CTRC: variants seen among roughly 807,000 people sequenced by gnomAD.
CTRC encodes chymotrypsin-C.
CTRC carries 32 observed loss-of-function variants against 35.7 expected under a neutral mutation model. The ratio of observed to expected loss-of-function variants is 0.90; its 90% CI spans 0.68 to 1.20. CTRC has a LOEUF of 1.20. Among genes scored for constraint, CTRC ranks in the 50% most tolerant of loss-of-function variants. CTRC has a pLI of 0.00. For synonymous variants in CTRC, 119 were observed against 149.5 expected (o/e 0.80, Z 1.49); for missense variants, 324 against 361.5 (o/e 0.90, Z 0.84).
chr1:15,446,002 G>T (rs1367253988), intron 7 of CTRC, among the ~76,000 whole-genome samples: 1 of 102,024 alleles, frequency 9.8e-6, no homozygotes, highest in African/African-American at 5.3e-5. Flanking sequence ...ACTCATTCAT[G>T]TATTCATTCA....
chr1:15,442,982 G>T (rs566169749), intron 4 of CTRC, among the ~76,000 whole-genome samples: 249 of 152,310 alleles, frequency 1.6e-3, no homozygotes, highest in African/African-American at 5.7e-3. Context: ...AGCCCACTTC[G>T]TGGCAGAACT....
chr1:15,442,430 C>T lies in CTRC; in HGVS notation c.231-17C>T, dbSNP rs767791068. On this transcript the variant is annotated splice_polypyrimidine_tract_variant and intron_variant, in intron 3 of 7. Coordinates refer to ENST00000375949, the MANE Select transcript of CTRC (RefSeq NM_007272.3). The stretch of plus-strand genomic sequence containing the variant: ...GACCAGGGGGCCACCCTGACCTGGA[C>T]CCCTTCCTCTGCCCAGCAACACCCG... 5.6e-6 allele frequency: 9 copies of T among 1,603,600 alleles called. No individual in the cohort carries two copies. Among genetic ancestry groups the T allele is most frequent in the Non-Finnish European group, 6.8e-6 (8 of 1,174,846 alleles).
chr1:15,438,617 G>A, intron 1 of CTRC, 113 bp downstream of exon 1: 1 of 1,216,760 alleles, frequency 8.2e-7, no homozygotes, highest in Admixed American at 1.7e-5. Flanking sequence ...GACACTTTGG[G>A]GTCCCCTGTG....
rs147843370 is a variant in CTRC at position 15,443,149 on chromosome 1, C to T, written c.357-270C>T. On this transcript the variant is annotated intron_variant, in intron 4 of 7. Transcript: ENST00000375949. ...ACCCACAGCCAGCAGTGGTTTCGGA[C>T]ACTTCCACTCTCACCTCCCTCTGTT... Among the ~76,000 whole-genome samples the T allele has an allele frequency of 6.5e-3, 993 of 152,338 alleles. 14 individuals carry two copies. Among genetic ancestry groups the T allele is most frequent in the African/African-American group, 0.022 (904 of 41,574 alleles).
chr1:15,445,399 G>T (rs1262743375), intron 6 of CTRC, among the ~76,000 whole-genome samples, 198 bp from the exon 7 acceptor site: 1 of 152,138 alleles, frequency 6.6e-6, no homozygotes, highest in Non-Finnish European at 1.5e-5. Context: ...TGACACCCCA[G>T]GGCCTCCCAG....
chr1:15,446,354 TG>T (rs1422843984), intron 7 of CTRC, among the ~76,000 whole-genome samples: 1 of 152,252 alleles, frequency 6.6e-6, no homozygotes, highest in Non-Finnish European at 1.5e-5. Context: ...CACCCTGGGC[TG>T]GGGGCTTCCC....
rs1168348957 is a variant in CTRC at position 15,448,760 on chromosome 1, G to T, written c.*2171G>T. 2 of 152,046 alleles carry T rather than the reference G, an allele frequency of 1.3e-5. No homozygotes were observed. Among genetic ancestry groups the T allele is most frequent in the Non-Finnish European group, 2.9e-5 (2 of 68,012 alleles). The allele number at this position is 152,046 out of a possible 1,614,324, so 9.4% of individuals were successfully genotyped here. A position where few individuals can be genotyped will look rare whatever the true frequency, so the allele number is the denominator to read the frequency against. On this transcript the variant is annotated 3_prime_UTR_variant, in exon 8 of 8. Coordinates refer to ENST00000375949, the MANE Select transcript of CTRC (RefSeq NM_007272.3). ...CCCGCCTTGGCCTCCCAAAGTACTG[G>T]GATCACAGGTGTGAGCCACCACACC...
intron 5 of CTRC, among the ~76,000 whole-genome samples, chr1:15,444,105 A>T (rs1020628183): frequency 5.3e-5 from 8 of 152,166 alleles, no homozygotes; most frequent in Middle Eastern, 6.8e-3. Flanking sequence ...AAAAATTTTT[A>T]AATAGCAGTG....
chr1:15,446,027 T>TACTCATTCATCCATTTATTC (rs1200487631), intron 7 of CTRC, among the ~76,000 whole-genome samples: 11 of 152,380 alleles, frequency 7.2e-5, no homozygotes. Context: ...TGCATTTATT[T>TACTCATTCATCCATTTATTC]ACTCATTCAT....
intron 4 of CTRC, among the ~76,000 whole-genome samples, chr1:15,442,857 T>TATTGCAATA (rs1708157069): frequency 1.3e-5 from 2 of 152,134 alleles, no homozygotes; most frequent in Admixed American, 1.3e-4. Context: ...GAGTTCCTAC[T>TATTGCAATA]GTATGCCCAC....
At chr1:15,440,226 G>A in intron 1 of CTRC, 74 bp from the exon 2 acceptor site, 12 of 523,578 alleles carry the variant, frequency 2.3e-5, no homozygotes, top group South Asian at 8.1e-5. Context: ...TCTTCCACCT[G>A]CCCACCCTCC....
intron 7 of CTRC, among the ~76,000 whole-genome samples, chr1:15,446,014 T>TCATTCATG (rs1708216125): frequency 6.6e-6 from 1 of 152,166 alleles, no homozygotes; most frequent in Non-Finnish European, 1.5e-5. Flanking sequence ...ATTCATTCAT[T>TCATTCATG]CATGCATTTA....
intron 3 of CTRC, among the ~76,000 whole-genome samples, chr1:15,440,821 G>T (rs983098578): frequency 2.0e-5 from 3 of 152,188 alleles, no homozygotes; most frequent in African/African-American, 7.2e-5. Flanking sequence ...ATATTTTTGT[G>T]GAAGACAGAG....
intron 1 of CTRC, 72 bp from the exon 2 acceptor site, chr1:15,440,228 C>CT: frequency 2.3e-6 from 1 of 426,506 alleles, no homozygotes; most frequent in Non-Finnish European, 4.8e-6. Flanking sequence ...TTCCACCTGC[C>CT]CACCCTCCCA....
At chr1:15,441,708 G>C (rs1016894678) in intron 3 of CTRC, among the ~76,000 whole-genome samples, 1 of 123,224 alleles carries the variant, frequency 8.1e-6, no homozygotes, top group African/African-American at 3.1e-5. Context: ...TTTTTTTTTT[G>C]GTAGAGACAG....
chr1:15,441,939 G>C (rs1708139044), intron 3 of CTRC, among the ~76,000 whole-genome samples: 1 of 151,970 alleles, frequency 6.6e-6, no homozygotes, highest in Non-Finnish European at 1.5e-5. Context: ...ATGGGGATTT[G>C]CCATGTGGCT....
rs751854409 is a variant in CTRC, at chr1:15,440,314, G to A, written c.55G>A (p.Val19Met). The part of the protein sequence containing the change: ...ALLACASSCG[V>M]PSFPPNLSAR... Reference sequence around the variant, plus strand: ...TGTCTCCCCAGCCTCCAGCTGTGGGGTGCCCAGCTTCCCGCCCAACCTATC... The same window carrying A: ...TGTCTCCCCAGCCTCCAGCTGTGGGATGCCCAGCTTCCCGCCCAACCTATC... Residue 19 changes from valine to methionine, a missense_variant, in exon 2 of 8, where the codon GTG becomes ATG. Coordinates refer to ENST00000375949, the MANE Select transcript of CTRC (RefSeq NM_007272.3). The A allele has an allele frequency of 3.7e-6, 6 of 1,608,376 alleles. No individual in the cohort carries two copies. Among genetic ancestry groups the A allele is most frequent in the Non-Finnish European group, 5.1e-6 (6 of 1,178,486 alleles).
Position 15,446,953 on chromosome 1 carries a change from C to T in CTRC, c.*364C>T, listed in dbSNP as rs963601417. ...TCTCACAAGCTGCGAACAGGTGAGACCCTGATGAAATCACTCGCTTCTCCG... is the reference window on the plus strand; with the variant it reads ...TCTCACAAGCTGCGAACAGGTGAGATCCTGATGAAATCACTCGCTTCTCCG... On this transcript the variant is annotated 3_prime_UTR_variant, in exon 8 of 8. Transcript: ENST00000375949. The T allele has an allele frequency of 1.0e-5, 4 of 397,840 alleles. No individual in the cohort carries two copies. The East Asian group carries it at 2.3e-4, about 23-fold the overall frequency. The allele number at this position is 397,840 out of a possible 1,614,324, so 24.6% of individuals were successfully genotyped here.
At chr1:15,442,766 T>C (rs189556573) in intron 4 of CTRC, among the ~76,000 whole-genome samples, 194 bp downstream of exon 4, 1 of 151,952 alleles carries the variant, frequency 6.6e-6, no homozygotes, top group African/African-American at 2.4e-5. Flanking sequence ...TCCCCCTCAT[T>C]GGCCAAGACT....
Sources: gnomAD v4.1 joint callset for allele counts (sites outside exome capture counted in the v4.1 genomes callset) on GRCh38, gnomAD v4.1.1 for gene constraint, MANE v1.5 for transcripts, NCBI Gene and HGNC (gene_info 2026-07-23, HGNC 2026-07-21) for gene names.